Variants in PSMA5 observed in about 807,000 individuals in gnomAD.
PSMA5 encodes proteasome subunit alpha type-5.
A neutral mutation model predicts 34.5 loss-of-function variants in PSMA5; 3 were observed. The observed-to-expected ratio is 0.09, with a 90% CI of 0.04 to 0.22. The LOEUF is 0.22. PSMA5 is among the 10% of genes least tolerant of loss of function. The pLI is 1.00. For missense variants in PSMA5, 120 were observed against 286.1 expected, an observed-to-expected ratio of 0.42 and a Z score of 4.19; for synonymous variants, 88 against 95.8, an observed-to-expected ratio of 0.92 and a Z score of 0.47.
At position 109,411,757 on chromosome 1, in the gene PSMA5, T is replaced by TG. The variant is rs1446329467; in HGVS notation, c.458+119dup. The TG allele has an allele frequency of 1.2e-5, 12 of 961,164 alleles. No homozygotes were observed. In the African/African-American group the frequency reaches 1.6e-4, roughly 13 times the overall value. 59.5% of individuals were successfully genotyped at this position (961,164 alleles called of 1,614,324 possible). ...CCTCCTGCCTTAGCCTTCAAGTAGC[T>TG]GGGACTACAGGTGTGTGCTAATACC... On this transcript the variant is annotated intron_variant, in intron 6 of 8. Coordinates refer to ENST00000271308, the MANE Select transcript of PSMA5 (RefSeq NM_002790.4).
chr1:109,426,242 G>T, intron 1 of PSMA5, 60 bp downstream of exon 1: 6 of 1,601,900 alleles, frequency 3.7e-6, no homozygotes, highest in Non-Finnish European at 5.1e-6. Flanking sequence ...CAGGCCGCGC[G>T]GCCAGGTCCC....
chr1:109,426,353 G>A lies in PSMA5; in HGVS notation c.-23C>T, dbSNP rs1331271036. Reference sequence around the variant, plus strand: ...CATGGCGAGGGTAGGAGGAGGCAGCGGCTACGCGGGGATTCTGAGGACCAA... The same window carrying A: ...CATGGCGAGGGTAGGAGGAGGCAGCAGCTACGCGGGGATTCTGAGGACCAA... On this transcript the variant is annotated 5_prime_UTR_variant, in exon 1 of 9. Transcript: ENST00000271308. 1.2e-6 allele frequency: 2 copies of A among 1,613,968 alleles called. No individual in the cohort carries two copies. Among genetic ancestry groups the A allele is most frequent in the South Asian group, 1.1e-5 (1 of 91,084 alleles).
At chr1:109,413,160 C>T in intron 3 of PSMA5, 25 bp from the exon 4 acceptor site, 1 of 1,607,972 alleles carries the variant, frequency 6.2e-7, no homozygotes, top group African/African-American at 1.3e-5. Flanking sequence ...CGACAGTGAC[C>T]CAGTGGCCAA....
chr1:109,409,572 C>G (rs1043927351), intron 8 of PSMA5, among the ~76,000 whole-genome samples: 2 of 152,176 alleles, frequency 1.3e-5, no homozygotes, highest in African/African-American at 4.8e-5. Context: ...ATGTCATTTC[C>G]ATGATCTATG....
intron 4 of PSMA5, 172 bp downstream of exon 4, chr1:109,412,896 A>C (rs2100963847): frequency 1.7e-6 from 1 of 577,558 alleles, no homozygotes; most frequent in Middle Eastern, 3.4e-4. Flanking sequence ...CAATGATTGG[A>C]CAGCTAAACT....
chr1:109,424,515 C>T (rs1052253034), intron 1 of PSMA5, among the ~76,000 whole-genome samples: 2 of 152,064 alleles, frequency 1.3e-5, no homozygotes, highest in African/African-American at 4.8e-5. Context: ...AGGTGGCTCT[C>T]GCCTGTAATC....
intron 3 of PSMA5, 34 bp downstream of exon 3, chr1:109,415,203 A>G: frequency 6.2e-7 from 1 of 1,602,396 alleles, no homozygotes; most frequent in Non-Finnish European, 8.5e-7. Flanking sequence ...AACCCAGACC[A>G]GATCCTACAG....
intron 2 of PSMA5, among the ~76,000 whole-genome samples, chr1:109,416,591 T>C: frequency 6.6e-6 from 1 of 152,242 alleles, no homozygotes. Flanking sequence ...TGCAAAGAGT[T>C]CCAAAGAATC....
intron 2 of PSMA5, among the ~76,000 whole-genome samples, chr1:109,419,407 C>T (rs1009717096): frequency 6.6e-6 from 1 of 152,144 alleles, no homozygotes; most frequent in East Asian, 1.9e-4. Context: ...GTGGCTCATA[C>T]CTGTAATTCC....
chr1:109,404,885 G>C (rs996910617), intron 8 of PSMA5, among the ~76,000 whole-genome samples: 2 of 152,184 alleles, frequency 1.3e-5, no homozygotes, highest in Admixed American at 1.3e-4. Context: ...TGTTGTAATA[G>C]AACTAAGAAT....
intron 8 of PSMA5, among the ~76,000 whole-genome samples, chr1:109,405,964 C>G (rs1653740777): frequency 6.6e-6 from 1 of 151,988 alleles, no homozygotes. Context: ...TATAAGGGAG[C>G]AAAGAAATGA....
chr1:109,406,891 A>C (rs1653781906), intron 8 of PSMA5, among the ~76,000 whole-genome samples: 1 of 152,210 alleles, frequency 6.6e-6, no homozygotes, highest in South Asian at 2.1e-4. Flanking sequence ...TATATAAATT[A>C]TATCTCAAAA....
chr1:109,406,422 T>TA (rs1218933672), intron 8 of PSMA5, among the ~76,000 whole-genome samples: 1 of 152,140 alleles, frequency 6.6e-6, no homozygotes, highest in East Asian at 1.9e-4. Flanking sequence ...GAAAGAAGTA[T>TA]AGTCCCTATA....
intron 2 of PSMA5, among the ~76,000 whole-genome samples, chr1:109,417,066 T>C (rs750742317): frequency 7.9e-5 from 12 of 152,254 alleles, no homozygotes; most frequent in African/African-American, 1.7e-4. Context: ...GATCACGCCA[T>C]TGCATTCCAG....
chr1:109,402,830 C>T (rs983291120), intron 8 of PSMA5, among the ~76,000 whole-genome samples: 3 of 152,228 alleles, frequency 2.0e-5, no homozygotes, highest in East Asian at 3.9e-4. Context: ...CTCAGCCTCT[C>T]GAGTAGCTGG....
intron 2 of PSMA5, among the ~76,000 whole-genome samples, chr1:109,419,102 G>A (rs186798463): frequency 9.2e-5 from 14 of 152,046 alleles, no homozygotes; most frequent in South Asian, 4.1e-4. Context: ...GCAGTGAGCC[G>A]AGATCACGCC....
intron 2 of PSMA5, among the ~76,000 whole-genome samples, chr1:109,418,928 G>A (rs1328044541): frequency 1.3e-5 from 2 of 152,176 alleles, no homozygotes; most frequent in Admixed American, 1.3e-4. Flanking sequence ...GGTGAGGCGG[G>A]CAGATCACCT....
At chr1:109,420,143 A>C (rs1203853418) in intron 2 of PSMA5, among the ~76,000 whole-genome samples, 1 of 152,258 alleles carries the variant, frequency 6.6e-6, no homozygotes, top group East Asian at 1.9e-4. Flanking sequence ...GTTGTGCAGA[A>C]ACAGAAAAAT....
rs149829926 is a variant in PSMA5, at chr1:109,400,144, C to T, written c.*1869G>A. 2.0e-5 allele frequency: 3 copies of T among 152,202 alleles called. No homozygotes were observed. The highest frequency in any genetic ancestry group is 7.2e-5 in the African/African-American group (3 of 41,516). The allele number at this position is 152,202 out of a possible 1,614,324, so 9.4% of individuals were successfully genotyped here. A position where few individuals can be genotyped will look rare whatever the true frequency, so the allele number is the denominator to read the frequency against. On this transcript the variant is annotated 3_prime_UTR_variant, in exon 9 of 9. Coordinates refer to ENST00000271308, the MANE Select transcript of PSMA5 (RefSeq NM_002790.4). ...GTAAAACACAAATATGCTGCCCAGCCAGTGGGAGGGAAAACAACTTAAGCT... is the reference window on the plus strand; with the variant it reads ...GTAAAACACAAATATGCTGCCCAGCTAGTGGGAGGGAAAACAACTTAAGCT...
Sources: allele counts gnomAD v4.1 joint callset (sites outside exome capture counted in the v4.1 genomes callset), GRCh38; gene constraint gnomAD v4.1.1; transcripts MANE v1.5; gene names NCBI Gene and HGNC (gene_info 2026-07-23, HGNC 2026-07-21).